The following MYBBP1A variants were observed in gnomAD, a reference collection of about 807,000 sequenced individuals.
MYBBP1A encodes myb-binding protein 1A.
A neutral mutation model predicts 136.3 loss-of-function variants in MYBBP1A; 147 were observed. The observed-to-expected ratio is 1.08, with a 90% CI of 0.94 to 1.24. MYBBP1A has a LOEUF of 1.24. Among genes scored for constraint, MYBBP1A ranks in the 50% most tolerant of loss-of-function variants. The pLI is 0.00. For missense variants in MYBBP1A, 2,060 were observed against 1,727.4 expected, an observed-to-expected ratio of 1.19 and a Z score of -3.41; for synonymous variants, 947 against 735.8, an observed-to-expected ratio of 1.29 and a Z score of -4.65.
In MYBBP1A at chr17:4,552,226, A is replaced by G. The variant is rs2144500257; in HGVS notation, c.804T>C (p.Ala268=). Residue 268 remains alanine, a synonymous_variant, in exon 7 of 26, where the codon GCT becomes GCC. Coordinates refer to ENST00000254718, the MANE Select transcript of MYBBP1A (RefSeq NM_014520.4). The surrounding 1 kb of genome is among the most constrained non-coding windows in gnomAD (Gnocchi z 4.7). ...VKKDRKLPAI[A]LDLLRLALKE... is the part of the protein sequence containing the mutation. ...TGAGTGCCAGGCGGAGCAGGTCCAG[A>G]GCAATGGCGGGCAGCTTGCGGTCCT... is the stretch of plus-strand genomic sequence containing the variant. 6.2e-7 allele frequency: 1 copy of G among 1,614,220 alleles called. No individual in the cohort carries two copies. The highest frequency in any genetic ancestry group is 8.5e-7 in the Non-Finnish European group (1 of 1,180,046).
intron 13 of MYBBP1A, among the ~76,000 whole-genome samples, chr17:4,546,385 A>G (rs556264973): frequency 2.0e-4 from 30 of 152,056 alleles, no homozygotes; most frequent in African/African-American, 7.0e-4. Context: ...TTGGCCTCCC[A>G]AAGTGCTGGG....
At position 4,552,829 on chromosome 17, in the gene MYBBP1A, C is replaced by A. The variant is rs558022231; in HGVS notation, c.562-203G>T. 1.3e-5 allele frequency among the ~76,000 whole-genome samples: 1 copy of A among 74,644 alleles called. No homozygotes were observed. Among genetic ancestry groups the A allele is most frequent in the East Asian group, 5.6e-4 (1 of 1,782 alleles). The allele number at this position is 74,644 out of a possible 152,430, so 49.0% of individuals were successfully genotyped here. On this transcript the variant is annotated intron_variant, in intron 5 of 25. Transcript: ENST00000254718. The surrounding 1 kb of genome is among the most constrained non-coding windows in gnomAD (Gnocchi z 4.7). ...TAACTGGCCCCTGGAGGTACCTGCC[C>A]CCCACCCCTTATTTTTTTTTTTTAA...
In MYBBP1A at chr17:4,552,434, G is replaced by C; in HGVS notation, c.737+17C>G. On this transcript the variant is annotated intron_variant, in intron 6 of 25. Coordinates refer to ENST00000254718, the MANE Select transcript of MYBBP1A (RefSeq NM_014520.4). This position sits in a 1 kb window ranked among gnomAD's most constrained non-coding sequence, Gnocchi z 4.7. ...CCTTGGCCCCAGGGAGGGCAAATCC[G>C]CCCACCTCCATCACACCTGGGGACA... is the stretch of plus-strand genomic sequence containing the variant. 6.2e-7 allele frequency: 1 copy of C among 1,610,206 alleles called. No homozygotes were observed. Among genetic ancestry groups the C allele is most frequent in the East Asian group, 2.2e-5 (1 of 44,816 alleles).
intron 23 of MYBBP1A, 47 bp from the exon 24 acceptor site, chr17:4,541,611 G>A (rs1383773725): frequency 4.4e-6 from 7 of 1,583,708 alleles, no homozygotes; most frequent in Non-Finnish European, 6.0e-6. Context: ...GCTGCTCAAA[G>A]CCTTTCTGTT....
chr17:4,544,559 G>C lies in MYBBP1A; in HGVS notation c.2569C>G (p.Arg857Gly). 1 of 1,566,862 alleles carries C rather than the reference G, an allele frequency of 6.4e-7. No homozygotes were observed. Among genetic ancestry groups the C allele is most frequent in the South Asian group, 1.2e-5 (1 of 85,208 alleles). Reference sequence around the variant, plus strand: ...GAGCTGCTGCTGCGCAGGCTGCGCCGGATGATGCTCAGCAGCGGCTCCAGC... The same window carrying C: ...GAGCTGCTGCTGCGCAGGCTGCGCCCGATGATGCTCAGCAGCGGCTCCAGC... ...ELLEPLLSII[R>G]RSLRSSSSKQ... Residue 857 changes from arginine to glycine, a missense_variant, in exon 19 of 26, where the codon CGG (arginine) becomes GGG (glycine). Physicochemically the swap from Arg to Gly is moderately radical, Grantham distance 125 (BLOSUM62 -2). Coordinates refer to ENST00000254718, the MANE Select transcript of MYBBP1A (RefSeq NM_014520.4).
rs1907561280 is a variant in MYBBP1A, at chr17:4,552,005, G to A, written c.906-8C>T. The A allele has an allele frequency of 6.2e-7, 1 of 1,606,476 alleles. No individual in the cohort carries two copies. The highest frequency in any genetic ancestry group is 8.5e-7 in the Non-Finnish European group (1 of 1,174,804). On this transcript the variant is annotated splice_polypyrimidine_tract_variant and splice_region_variant and intron_variant, in intron 7 of 25. Coordinates refer to ENST00000254718, the MANE Select transcript of MYBBP1A (RefSeq NM_014520.4). This position sits in a 1 kb window ranked among gnomAD's most constrained non-coding sequence, Gnocchi z 4.7. ...AGGCGGAAACACAGGTAGCTAAAGG[G>A]GGTGCAGGACAGAGCCTGGTCAGAG...
chr17:4,544,506 C>A lies in MYBBP1A; in HGVS notation c.2622G>T (p.Lys874Asn), dbSNP rs1335006631. 1 of 1,551,962 alleles carries A rather than the reference C, an allele frequency of 6.4e-7. No individual in the cohort carries two copies. The highest frequency in any genetic ancestry group is 8.7e-7 in the Non-Finnish European group (1 of 1,148,488). The change falls in exon 19 of 26, where the codon AAG (lysine) becomes AAT (asparagine). Residue 874 changes from lysine (K) to asparagine (N), a missense_variant. Physicochemically the swap from Lys to Asn is moderately conservative, Grantham distance 94. Coordinates refer to ENST00000254718, the MANE Select transcript of MYBBP1A (RefSeq NM_014520.4). ...SSKQEQDLLH[K>N]TARIFTHHLC... ...GTGCTCACGTGAAGATGCGCGCCGT[C>A]TTGTGCAGAAGGTCCTGCTCCTGTT...
chr17:4,548,676 G>A lies in MYBBP1A; in HGVS notation c.1431-27C>T, dbSNP rs878998599. 6.2e-7 allele frequency: 1 copy of A among 1,613,490 alleles called. No individual in the cohort carries two copies. On this transcript the variant is annotated intron_variant, in intron 10 of 25. Transcript: ENST00000254718. This position sits in a 1 kb window ranked among gnomAD's most constrained non-coding sequence, Gnocchi z 4.2. ...TGGGGAGGGTGGGAGAGTGGCCATA[G>A]CCATTCACTGCCATTGGTTTTTACA...
In MYBBP1A at chr17:4,544,910, G is replaced by A; in HGVS notation, c.2322C>T (p.Asp774=). 1 of 1,601,098 alleles carries A rather than the reference G, an allele frequency of 6.2e-7. No individual in the cohort carries two copies. Among genetic ancestry groups the A allele is most frequent in the Non-Finnish European group, 8.5e-7 (1 of 1,172,918 alleles). Residue 774 remains aspartate, a synonymous_variant, in exon 18 of 26, where the codon GAC becomes GAT. Coordinates refer to ENST00000254718, the MANE Select transcript of MYBBP1A (RefSeq NM_014520.4). ...CCCCCAGCTCCTCCTCGTTCTCACT[G>A]TCCTCTCCACCCTGAGGGACAGAGG... The part of the protein sequence containing the change: ...LQAGKALGGE[D]SENEEELGDE...
chr17:4,544,676 G>C (rs779027677), intron 18 of MYBBP1A, 30 bp from the exon 19 acceptor site: 11 of 1,469,054 alleles, frequency 7.5e-6, no homozygotes, highest in Middle Eastern at 3.8e-4. Flanking sequence ...TCAGCAACAC[G>C]GGGGTGGGCG....
rs1211062263 is a variant in MYBBP1A at position 4,545,136 on chromosome 17, T to C, written c.2200A>G (p.Ser734Gly). The change falls in exon 17 of 26, where the codon AGT becomes GGT. Residue 734 changes from serine to glycine, a missense_variant. Physicochemically the swap from Ser to Gly is moderately conservative, Grantham distance 56. Coordinates refer to ENST00000254718, the MANE Select transcript of MYBBP1A (RefSeq NM_014520.4). ...TCCTCCCCCTCGCTCTCCTCTTCAC[T>C]CTCTGAGCTTCTGTTGTCCTCACCT... is the stretch of plus-strand genomic sequence containing the variant. ...EEGEDNRSSE[S>G]EEESEGEESE... is the part of the protein sequence containing the mutation. The C allele has an allele frequency of 6.8e-6, 11 of 1,612,674 alleles. No individual in the cohort carries two copies. The highest frequency in any genetic ancestry group is 1.1e-5 in the South Asian group (1 of 91,026).
In MYBBP1A at chr17:4,539,192, A is replaced by G; in HGVS notation, c.*223T>C. Reference sequence around the variant, plus strand: ...GGCCCTGGAGCCAGGGTCCCAGCCCAGAACCGGGGGTGGGGAGGTCTCTGC... The same window carrying G: ...GGCCCTGGAGCCAGGGTCCCAGCCCGGAACCGGGGGTGGGGAGGTCTCTGC... On this transcript the variant is annotated 3_prime_UTR_variant, in exon 26 of 26. Coordinates refer to ENST00000254718, the MANE Select transcript of MYBBP1A (RefSeq NM_014520.4). 6.9e-7 allele frequency: 1 copy of G among 1,450,174 alleles called. No homozygotes were observed. 89.8% of individuals were successfully genotyped at this position (1,450,174 alleles called of 1,614,324 possible).
rs747877415 is a variant in MYBBP1A, at chr17:4,544,879, C to T, written c.2353G>A (p.Ala785Thr). The part of the protein sequence containing the change: ...SENEEELGDE[A>T]MMALDQSLAS... ...AGGCTCTGGTCCAGGGCCATCATGG[C>T]CTCATCCCCCAGCTCCTCCTCGTTC... Residue 785 changes from alanine (A) to threonine (T), a missense_variant, in exon 18 of 26, where the codon GCC (alanine) becomes ACC (threonine). Transcript: ENST00000254718. 1.2e-6 allele frequency: 2 copies of T among 1,607,578 alleles called. No individual in the cohort carries two copies. Among genetic ancestry groups the T allele is most frequent in the Non-Finnish European group, 1.7e-6 (2 of 1,177,074 alleles).
intron 5 of MYBBP1A, among the ~76,000 whole-genome samples, chr17:4,553,378 G>A (rs1241233340): frequency 6.6e-6 from 1 of 152,232 alleles, no homozygotes; most frequent in South Asian, 2.1e-4. Context: ...GGATAACAAT[G>A]GCAAACGTTT....
chr17:4,547,851 C>T lies in MYBBP1A; in HGVS notation c.1824+107G>A, dbSNP rs1258613415. On this transcript the variant is annotated intron_variant, in intron 13 of 25. Coordinates refer to ENST00000254718, the MANE Select transcript of MYBBP1A (RefSeq NM_014520.4). Reference sequence around the variant, plus strand: ...CAAAAACCTCCCAACTTAACTCCCCCAGAACCTTTCCTGGAAACCCGCACA... The same window carrying T: ...CAAAAACCTCCCAACTTAACTCCCCTAGAACCTTTCCTGGAAACCCGCACA... The T allele has an allele frequency of 2.9e-6, 3 of 1,028,850 alleles. No individual in the cohort carries two copies. The African/African-American group carries it at 4.9e-5, about 17-fold the overall frequency. The allele number at this position is 1,028,850 out of a possible 1,614,324, so 63.7% of individuals were successfully genotyped here. A position where few individuals can be genotyped will look rare whatever the true frequency, so the allele number is the denominator to read the frequency against.
At position 4,550,077 on chromosome 17, in the gene MYBBP1A, G is replaced by A. The variant is rs756912861; in HGVS notation, c.1300C>T (p.Gln434Ter). Reference protein sequence around the residue: ...DFSTNNQKKAQDSSLHMPERA... With the variant: ...DFSTNNQKKA ...ACTCACATGTGGAGCGATGAATCCTGGGCTTTCTTCTGGTTGTTGGTGCTG... is the reference window on the plus strand; with the variant it reads ...ACTCACATGTGGAGCGATGAATCCTAGGCTTTCTTCTGGTTGTTGGTGCTG... The change falls in exon 9 of 26, where the codon CAG becomes TAG. Residue 434 changes from glutamine to a stop codon, truncating the protein, a stop_gained. Transcript: ENST00000254718. LOFTEE classifies it high-confidence loss of function. The A allele has an allele frequency of 6.2e-7, 1 of 1,613,004 alleles. No individual in the cohort carries two copies. The highest frequency in any genetic ancestry group is 2.2e-5 in the East Asian group (1 of 44,862).
rs529533812 is a variant in MYBBP1A at position 4,540,919 on chromosome 17, T to G, written c.3298-435A>C. On this transcript the variant is annotated intron_variant, in intron 24 of 25. Coordinates refer to ENST00000254718, the MANE Select transcript of MYBBP1A (RefSeq NM_014520.4). ...CTGGCTTCCTCACTATCAGCCAGTT[T>G]TGTAAGGCCCCGTCCCGGGCCCCGC... Among the ~76,000 whole-genome samples, 7 of 121,582 alleles carry G rather than the reference T, an allele frequency of 5.8e-5. No homozygotes were observed. In the East Asian group the frequency reaches 3.3e-3, roughly 57 times the overall value. The allele number at this position is 121,582 out of a possible 152,430, so 79.8% of individuals were successfully genotyped here. A position where few individuals can be genotyped will look rare whatever the true frequency, so the allele number is the denominator to read the frequency against.
chr17:4,541,984 T>A, intron 22 of MYBBP1A, 93 bp from the exon 23 acceptor site: 3 of 919,910 alleles, frequency 3.3e-6, no homozygotes, highest in Non-Finnish European at 5.0e-6. Flanking sequence ...CGCTGGGCAC[T>A]GCTGTGGGCA....
chr17:4,545,552 G>A (rs1906926635), intron 15 of MYBBP1A, 58 bp downstream of exon 15: 2 of 1,533,266 alleles, frequency 1.3e-6, no homozygotes, highest in Admixed American at 2.0e-5. Flanking sequence ...CACCCCTGGT[G>A]CAGCTCGCTG....
Sources: allele counts gnomAD v4.1 joint callset (sites outside exome capture counted in the v4.1 genomes callset), GRCh38; gene constraint gnomAD v4.1.1; non-coding constraint Gnocchi (gnomAD v3.1); transcripts MANE v1.5; gene names NCBI Gene and HGNC (gene_info 2026-07-23, HGNC 2026-07-21).